Variants in PRDX3 observed in about 807,000 individuals in gnomAD.
PRDX3 encodes the protein peroxiredoxin 3.
A neutral mutation model predicts 30.4 loss-of-function variants in PRDX3; 20 were observed. The observed-to-expected ratio is 0.66, with a 90% CI of 0.46 to 0.96. The LOEUF (loss-of-function observed/expected upper bound fraction) is 0.96. Among genes scored for constraint, PRDX3 ranks in the 40% least tolerant of loss-of-function variants. PRDX3 has a pLI of 0.00. For missense variants in PRDX3, 322 were observed against 318.3 expected (o/e 1.01, Z -0.09); for synonymous variants, 124 against 117.8 (o/e 1.05, Z -0.34).
At chr10:119,176,970 G>T in intron 2 of PRDX3, 51 bp downstream of exon 2, 1 of 1,610,288 alleles carries the variant, frequency 6.2e-7, no homozygotes, top group East Asian at 2.2e-5. Context: ...CAGAGACGAT[G>T]GTTCATTTTT....
At chr10:119,177,982 G>C (rs893349312) in intron 1 of PRDX3, among the ~76,000 whole-genome samples, 2 of 149,602 alleles carry the variant, frequency 1.3e-5, no homozygotes, top group Admixed American at 1.3e-4. Flanking sequence ...CTGGGCTCAA[G>C]TGATCCTCCC....
intron 5 of PRDX3, among the ~76,000 whole-genome samples, chr10:119,171,380 G>C (rs537920120): frequency 1.3e-5 from 2 of 152,238 alleles, no homozygotes; most frequent in Admixed American, 1.3e-4. Flanking sequence ...CAGCAAAACT[G>C]TGAGGCACAG....
intron 4 of PRDX3, among the ~76,000 whole-genome samples, chr10:119,173,108 T>G (rs895973088): frequency 2.0e-5 from 3 of 152,010 alleles, no homozygotes; most frequent in African/African-American, 7.2e-5. Context: ...TTGGCTAATT[T>G]TTTTTATTTT....
chr10:119,178,604 C>G, intron 1 of PRDX3, 151 bp downstream of exon 1: 1 of 1,000,374 alleles, frequency 1.0e-6, no homozygotes, highest in East Asian at 2.6e-5. Context: ...ATGGAACCTT[C>G]CCGGAGGGAG....
At chr10:119,174,628 T>C (rs763683380) in intron 2 of PRDX3, 36 bp from the exon 3 acceptor site, 123 of 1,541,282 alleles carry the variant, frequency 8.0e-5, no homozygotes, top group Non-Finnish European at 1.0e-4. Flanking sequence ...GAGTTCATCA[T>C]TTGCTATGTC....
At chr10:119,168,886 T>C (rs1847830573) in intron 6 of PRDX3, among the ~76,000 whole-genome samples, 1 of 148,050 alleles carries the variant, frequency 6.8e-6, no homozygotes, top group Non-Finnish European at 1.5e-5. Context: ...GGCAGGACAA[T>C]GGCGTGAACC....
At position 119,174,465 on chromosome 10, in the gene PRDX3, G is replaced by A; in HGVS notation, c.297C>T (p.Phe99=). ...DFKGKYLVLF[F]YPLDFTFVCP... ...ATTACACTTACAAATCCAAAGGATAGAAGAAAAGCACCAAATATTTCCCCT... is the reference window on the plus strand; with the variant it reads ...ATTACACTTACAAATCCAAAGGATAAAAGAAAAGCACCAAATATTTCCCCT... Residue 99 remains phenylalanine (F), a synonymous_variant, in exon 3 of 7, where the codon TTC becomes TTT. Transcript: ENST00000298510. 6.3e-7 allele frequency: 1 copy of A among 1,598,842 alleles called. No homozygotes were observed.
intron 2 of PRDX3, 63 bp from the exon 3 acceptor site, chr10:119,174,655 A>G: frequency 1.4e-6 from 2 of 1,437,358 alleles, no homozygotes; most frequent in Non-Finnish European, 1.9e-6. Context: ...CTATGATTTT[A>G]TTTAAACTTC....
At chr10:119,172,934 T>C (rs1032226559) in intron 4 of PRDX3, among the ~76,000 whole-genome samples, 5 of 151,756 alleles carry the variant, frequency 3.3e-5, no homozygotes, top group Non-Finnish European at 7.4e-5. Flanking sequence ...CTTTATTATT[T>C]TATTTATTTA....
At chr10:119,178,624 T>A (rs1226767554) in intron 1 of PRDX3, 131 bp downstream of exon 1, 2 of 1,161,286 alleles carry the variant, frequency 1.7e-6, no homozygotes, top group East Asian at 2.6e-5. Context: ...GGCCTCTGGG[T>A]CCGTTACCCG....
chr10:119,174,323 T>C, intron 3 of PRDX3, 128 bp downstream of exon 3: 1 of 1,162,486 alleles, frequency 8.6e-7, no homozygotes, highest in Non-Finnish European at 1.2e-6. Context: ...AACAAGGCCA[T>C]CAGTGATAAA....
chr10:119,172,470 G>A lies in PRDX3; in HGVS notation c.463C>T (p.His155Tyr). 1 of 1,613,778 alleles carries A rather than the reference G, an allele frequency of 6.2e-7. No individual in the cohort carries two copies. Among genetic ancestry groups the A allele is most frequent in the South Asian group, 1.1e-5 (1 of 91,076 alleles). ...NTPRKNGGLG[H>Y]MNIALLSDLT... ...TCTGACAAGAGTGCGATGTTCATGT[G>A]GCCCAAACCACCATTCTAATCAAAA... is the stretch of plus-strand genomic sequence containing the variant. The change falls in exon 5 of 7, where the codon CAC becomes TAC. Residue 155 changes from histidine to tyrosine, a missense_variant. Coordinates refer to ENST00000298510, the MANE Select transcript of PRDX3 (RefSeq NM_006793.5).
chr10:119,172,297 A>C, intron 5 of PRDX3, 85 bp downstream of exon 5: 1 of 1,192,934 alleles, frequency 8.4e-7, no homozygotes, highest in African/African-American at 1.5e-5. Context: ...AAAATGCTTT[A>C]CCAAGGTCTA....
rs1848108830 is a variant in PRDX3 at position 119,178,769 on chromosome 10, A to G, written c.22T>C (p.Leu8=). 1.3e-6 allele frequency: 2 copies of G among 1,552,144 alleles called. No individual in the cohort carries two copies. The highest frequency in any genetic ancestry group is 1.7e-6 in the Non-Finnish European group (2 of 1,147,932). Residue 8 remains leucine, a synonymous_variant, in exon 1 of 7, where the codon TTG becomes CTG. Coordinates refer to ENST00000298510, the MANE Select transcript of PRDX3 (RefSeq NM_006793.5). The part of the protein sequence containing the change: MAAAVGR[L]LRASVARHVS... ...CAGCCACTCACCGACGCTCGGAGCA[A>G]CCGTCCTACAGCAGCCGCCATCTTC...
At chr10:119,173,366 T>A (rs1199916605) in intron 4 of PRDX3, among the ~76,000 whole-genome samples, 1 of 152,144 alleles carries the variant, frequency 6.6e-6, no homozygotes, top group Non-Finnish European at 1.5e-5. Flanking sequence ...TTCCGGCACT[T>A]TGGGAGGCCA....
In PRDX3 at chr10:119,174,543, C is replaced by T. The variant is rs775546751; in HGVS notation, c.219G>A (p.Lys73=). The change falls in exon 3 of 7, where the codon AAG becomes AAA. Residue 73 remains lysine, a synonymous_variant. Transcript: ENST00000298510. ...PAVTQHAPYF[K]GTAVVNGEFK... is the part of the protein sequence containing the mutation. ...ACTCTCCATTGACAACGGCTGTACC[C>T]TTAAAATAGGGTGCATGCTGGGTGA... The T allele has an allele frequency of 1.6e-5, 25 of 1,611,416 alleles. No homozygotes were observed. Among genetic ancestry groups the T allele is most frequent in the Non-Finnish European group, 1.9e-5 (22 of 1,179,346 alleles).
intron 2 of PRDX3, among the ~76,000 whole-genome samples, chr10:119,176,157 A>G (rs1340469060): frequency 6.6e-6 from 1 of 152,106 alleles, no homozygotes; most frequent in Non-Finnish European, 1.5e-5. Context: ...GATGCAAGAG[A>G]TGTGTCAAAA....
chr10:119,172,579 AG>A (rs1847931188), intron 4 of PRDX3, 94 bp from the exon 5 acceptor site: 1 of 1,032,290 alleles, frequency 9.7e-7, no homozygotes, highest in Non-Finnish European at 1.5e-6. Context: ...TAACGGCGAT[AG>A]GTAACAGTAA....
At position 119,172,405 on chromosome 10, in the gene PRDX3, T is replaced by C. The variant is rs765066445; in HGVS notation, c.528A>G (p.Leu176=). 1 of 1,613,822 alleles carries C rather than the reference T, an allele frequency of 6.2e-7. No homozygotes were observed. Among genetic ancestry groups the C allele is most frequent in the Non-Finnish European group, 8.5e-7 (1 of 1,179,664 alleles). ...KQISRDYGVL[L]EGSGLALRGL... ...ACCTTAGTGCAAGACCAGAACCTTC[T>C]AACAGCACACCGTAGTCTCGGGAAA... The change falls in exon 5 of 7, where the codon TTA becomes TTG. Residue 176 remains leucine, a synonymous_variant. Coordinates refer to ENST00000298510, the MANE Select transcript of PRDX3 (RefSeq NM_006793.5).
Sources: gnomAD v4.1 joint callset for allele counts (sites outside exome capture counted in the v4.1 genomes callset) on GRCh38, gnomAD v4.1.1 for gene constraint, MANE v1.5 for transcripts, NCBI Gene and HGNC (gene_info 2026-07-23, HGNC 2026-07-21) for gene names.